Variants in CENPM observed in about 807,000 individuals in gnomAD.
CENPM encodes interphase centromere complex protein 39.
In CENPM, 14 loss-of-function variants were observed where a neutral mutation model predicts 19.6. The observed-to-expected ratio is 0.71, with a 90% confidence interval of 0.47 to 1.11. The LOEUF is 1.11. Ranked by LOEUF, CENPM falls within the 50% of genes most tolerant of loss-of-function variation. The pLI, the probability that CENPM is intolerant of heterozygous loss-of-function variation, is 0.00. For synonymous variants in CENPM, 114 were observed against 101.5 expected (o/e 1.12, Z -0.74); for missense variants, 239 against 228.4 (o/e 1.05, Z -0.30).
At chr22:41,946,104 C>T in intron 2 of CENPM, 99 bp from the exon 3 acceptor site, 1 of 1,065,624 alleles carries the variant, frequency 9.4e-7, no homozygotes, top group South Asian at 1.4e-5. Context: ...GTCAAGGGCT[C>T]CCCACCTCAT....
chr22:41,944,952 G>C, intron 4 of CENPM: 1 of 1,298,248 alleles, frequency 7.7e-7, no homozygotes, highest in Non-Finnish European at 9.8e-7. Flanking sequence ...TTTATTTTAA[G>C]TTCAGGGGTA....
intron 5 of CENPM, among the ~76,000 whole-genome samples, chr22:41,942,698 C>T (rs1339079872): frequency 6.6e-6 from 1 of 151,540 alleles, no homozygotes; most frequent in Admixed American, 6.6e-5. Context: ...TTGCAGTGAG[C>T]CGAGATCGCG....
intron 1 of CENPM, 64 bp from the exon 2 acceptor site, chr22:41,946,560 C>G (rs747752340): frequency 7.2e-7 from 1 of 1,385,422 alleles, no homozygotes; most frequent in Admixed American, 1.8e-5. Flanking sequence ...GAGGGCCTGG[C>G]CCTTCGACCC....
chr22:41,946,022 T>A lies in CENPM; in HGVS notation c.138-17A>T. Reference sequence around the variant, plus strand: ...GCCAAGTGGCTGAAAAACAGGAAATTGCAGGACTCAAGATATCCGTACCCC... The same window carrying A: ...GCCAAGTGGCTGAAAAACAGGAAATAGCAGGACTCAAGATATCCGTACCCC... On this transcript the variant is annotated splice_polypyrimidine_tract_variant and intron_variant, in intron 2 of 5. Coordinates refer to ENST00000215980, the MANE Select transcript of CENPM (RefSeq NM_024053.5). 1.9e-6 allele frequency: 3 copies of A among 1,603,856 alleles called. No individual in the cohort carries two copies. The highest frequency in any genetic ancestry group is 2.6e-6 in the Non-Finnish European group (3 of 1,171,298).
chr22:41,946,932 G>T, intron 1 of CENPM, 88 bp downstream of exon 1: 1 of 1,373,538 alleles, frequency 7.3e-7, no homozygotes, highest in Non-Finnish European at 1.0e-6. Flanking sequence ...GCGCTGGCTT[G>T]GCGCCTCAGA....
chr22:41,943,718 A>C lies in CENPM; in HGVS notation c.311-17T>G. ...CCCGCCCAGCTGGAAAGAAGCCATG[A>C]GTGCTATAGCTGCAATCTCTACCTT... On this transcript the variant is annotated splice_polypyrimidine_tract_variant and intron_variant, in intron 4 of 5. Transcript: ENST00000215980. 6.2e-7 allele frequency: 1 copy of C among 1,610,482 alleles called. No individual in the cohort carries two copies. The highest frequency in any genetic ancestry group is 8.5e-7 in the Non-Finnish European group (1 of 1,177,532).
chr22:41,940,741 G>A (rs986362645), intron 5 of CENPM, among the ~76,000 whole-genome samples: 5 of 152,050 alleles, frequency 3.3e-5, no homozygotes, highest in African/African-American at 4.8e-5. Context: ...AACAGTGGTC[G>A]GTACCACAGA....
chr22:41,935,849 G>A (rs1351252357), downstream of CENPM, among the ~76,000 whole-genome samples: 1 of 151,736 alleles, frequency 6.6e-6, no homozygotes, highest in Non-Finnish European at 1.5e-5. Context: ...CCAGCTCAGG[G>A]CCTGGCCAGT....
At chr22:41,945,124 A>C (rs766573017) in intron 4 of CENPM, 101 bp downstream of exon 4, 28 of 1,581,348 alleles carry the variant, frequency 1.8e-5, no homozygotes, top group Non-Finnish European at 2.4e-5. Flanking sequence ...TGTAAAATAC[A>C]TGCTCTTTCC....
the CENPM span, among the ~76,000 whole-genome samples, chr22:41,927,489 CTGGT>C: frequency 1.4e-3 from 209 of 151,176 alleles, no homozygotes; most frequent in African/African-American, 4.8e-3. Context: ...CTGGACAGAG[CTGGT>C]TGGGGATATC....
chr22:41,946,430 A>G lies in CENPM; in HGVS notation c.124T>C (p.Ser42Pro). The change falls in exon 2 of 6, where the codon TCC becomes CCC. Residue 42 changes from serine to proline, a missense_variant. Transcript: ENST00000215980. ...ADSMLKEDCA[S>P]ELKVHLAKSL... ...GCGGCTACTTACACCTTCAGCTCGG[A>G]GGCGCAGTCCTCTTTGAGCATCGAG... 2 of 1,612,954 alleles carry G rather than the reference A, an allele frequency of 1.2e-6. No individual in the cohort carries two copies. The highest frequency in any genetic ancestry group is 1.7e-5 in the Admixed American group (1 of 60,000).
At chr22:41,936,838 G>A (rs1163545834), downstream of CENPM, among the ~76,000 whole-genome samples, 7 of 152,186 alleles carry the variant, frequency 4.6e-5, no homozygotes. Flanking sequence ...TGAGGCAGGA[G>A]AATCACTTGA....
At chr22:41,928,281 C>A in the CENPM span, 1 of 200,382 alleles carries the variant, frequency 5.0e-6, no homozygotes, top group Middle Eastern at 5.6e-4. The surrounding 1 kb of genome is among the most constrained non-coding windows in gnomAD (Gnocchi z 4.0). Flanking sequence ...TCACTGCGGG[C>A]CCCTCCTGTC....
intron 5 of CENPM, chr22:41,940,287 C>A (rs560697492): frequency 1.4e-4 from 95 of 657,924 alleles, no homozygotes; most frequent in African/African-American, 1.4e-3. Flanking sequence ...GGTTACCCTG[C>A]CTAACTCTTG....
At position 41,945,250 on chromosome 22, in the gene CENPM, C is replaced by T. The variant is rs2077785509; in HGVS notation, c.285G>A (p.Gly95=). The change falls in exon 4 of 6, where the codon GGG becomes GGA. Residue 95 remains glycine (G), a synonymous_variant. Transcript: ENST00000215980. The part of the protein sequence containing the change: ...LRHVDASFFL[G]KVCFLATGAG... ...CACCTGTGGCGAGGAAACACACCTTCCCCAAGAAGAAGCTGGCATCCACAT... is the reference window on the plus strand; with the variant it reads ...CACCTGTGGCGAGGAAACACACCTTTCCCAAGAAGAAGCTGGCATCCACAT... 1.2e-6 allele frequency: 2 copies of T among 1,613,786 alleles called. No homozygotes were observed. Among genetic ancestry groups the T allele is most frequent in the Admixed American group, 1.7e-5 (1 of 59,960 alleles).
chr22:41,940,684 C>T (rs1381186598), intron 5 of CENPM, among the ~76,000 whole-genome samples: 1 of 152,184 alleles, frequency 6.6e-6, no homozygotes, highest in Non-Finnish European at 1.5e-5. Flanking sequence ...CAGCAGGAAG[C>T]TGGGGTTTTT....
chr22:41,946,674 C>G (rs2077807993), intron 1 of CENPM, 178 bp from the exon 2 acceptor site: 1 of 611,094 alleles, frequency 1.6e-6, no homozygotes. Context: ...GGTTTGGACC[C>G]GCTGCAGGCC....
chr22:41,933,915 T>G (rs1049196030), downstream of CENPM, among the ~76,000 whole-genome samples: 1 of 152,168 alleles, frequency 6.6e-6, no homozygotes, highest in Non-Finnish European at 1.5e-5. Flanking sequence ...TGCCAGCCCG[T>G]ACCGAGCCAC....
downstream of CENPM, among the ~76,000 whole-genome samples, chr22:41,935,694 G>A (rs1487774122): frequency 1.3e-5 from 2 of 152,130 alleles, no homozygotes; most frequent in East Asian, 1.9e-4. Context: ...CTGCTCCCAC[G>A]CTAAGGGCCT....
Sources: gnomAD v4.1 joint callset for allele counts (sites outside exome capture counted in the v4.1 genomes callset) on GRCh38, gnomAD v4.1.1 for gene constraint, Gnocchi (gnomAD v3.1) non-coding constraint, MANE v1.5 for transcripts, NCBI Gene and HGNC (gene_info 2026-07-23, HGNC 2026-07-21) for gene names.